The following SYT10 variants were observed in gnomAD, a reference collection of about 807,000 sequenced individuals.
SYT10 encodes the protein synaptotagmin 10.
Under a neutral mutation model 51.1 loss-of-function variants are expected in SYT10, and 31 were observed. The ratio of observed to expected loss-of-function variants is 0.61; its 90% CI spans 0.46 to 0.82. SYT10 has a LOEUF of 0.82. Among genes scored for constraint, SYT10 ranks in the 40% least tolerant of loss-of-function variants. The pLI is 0.00. For missense variants in SYT10, 603 were observed against 634.0 expected (o/e 0.95, Z 0.53); for synonymous variants, 233 against 225.9 (o/e 1.03, Z -0.28).
rs80150238 is a variant in SYT10 at position 33,402,612 on chromosome 12, A to G, written c.1077+4177T>C. Among the ~76,000 whole-genome samples the G allele has an allele frequency of 1.4e-4, 22 of 152,332 alleles. No homozygotes were observed. In the East Asian group the frequency reaches 2.9e-3, roughly 20 times the overall value. On this transcript the variant is annotated intron_variant, in intron 3 of 6. Transcript: ENST00000228567. ...TACCAGTCTTTCTTTCAATTTTAGA[A>G]CTAAACTTTGTTCACAGGAAGTTCT... is the stretch of plus-strand genomic sequence containing the variant.
At chr12:33,400,932 G>A (rs10844580) in intron 3 of SYT10, among the ~76,000 whole-genome samples, 108,701 of 151,756 alleles carry the variant, frequency 0.72, 40,494 homozygotes, top group East Asian at 0.95. Flanking sequence ...AGGCTGAGGC[G>A]GGAGAATTGC....
chr12:33,438,201 T>C (rs1021967435), intron 1 of SYT10, among the ~76,000 whole-genome samples: 10 of 152,176 alleles, frequency 6.6e-5, no homozygotes, highest in Non-Finnish European at 1.3e-4. Flanking sequence ...GGCTCCATGT[T>C]GTCCTGAGCT....
intron 3 of SYT10, among the ~76,000 whole-genome samples, chr12:33,401,476 T>C (rs2138408890): frequency 6.6e-6 from 1 of 152,340 alleles, no homozygotes; most frequent in East Asian, 1.9e-4. Context: ...TTTGTCAGTA[T>C]CAAATTTCAA....
chr12:33,386,747 G>A (rs962392576), intron 3 of SYT10, among the ~76,000 whole-genome samples: 17 of 152,140 alleles, frequency 1.1e-4, no homozygotes, highest in African/African-American at 3.6e-4. Context: ...ACACCCAGGA[G>A]AGCAGGGTTC....
intron 3 of SYT10, among the ~76,000 whole-genome samples, chr12:33,391,304 A>G (rs185395573): frequency 2.0e-5 from 3 of 151,798 alleles, no homozygotes; most frequent in Admixed American, 2.0e-4. Flanking sequence ...CTTGGATTTT[A>G]ATTATGGGAA....
chr12:33,388,344 T>C (rs1866176186), intron 3 of SYT10, among the ~76,000 whole-genome samples: 1 of 152,170 alleles, frequency 6.6e-6, no homozygotes. Context: ...TCTTTCAGGA[T>C]TATTTTTATC....
intron 3 of SYT10, among the ~76,000 whole-genome samples, chr12:33,404,669 G>GGCGT (rs1866336344): frequency 6.6e-6 from 1 of 152,138 alleles, no homozygotes; most frequent in East Asian, 1.9e-4. Context: ...GGGAATTACA[G>GGCGT]GCATGAGCCA....
chr12:33,407,033 T>A lies in SYT10; in HGVS notation c.833A>T (p.Asp278Val). 6.2e-7 allele frequency: 1 copy of A among 1,614,188 alleles called. No individual in the cohort carries two copies. The highest frequency in any genetic ancestry group is 8.5e-7 in the Non-Finnish European group (1 of 1,180,030). The change falls in exon 3 of 7, where the codon GAT (aspartate) becomes GTT (valine). Residue 278 changes from aspartate to valine, a missense_variant. By Grantham distance (152) the Asp-to-Val change is radical. Transcript: ENST00000228567. ...GCGGGTCTGAAATTTCTTTTTCCTA[T>A]CTGGAAGAAGATACATCTTCACATA... ...DPYVKMYLLPDRKKKFQTRVH... is the reference protein window; with the variant it reads ...DPYVKMYLLPVRKKKFQTRVH...
chr12:33,397,631 A>T lies in SYT10; in HGVS notation c.1077+9158T>A, dbSNP rs1230452639. Among the ~76,000 whole-genome samples, 3 of 152,166 alleles carry T rather than the reference A, an allele frequency of 2.0e-5. No individual in the cohort carries two copies. The East Asian group carries it at 5.8e-4, about 30-fold the overall frequency. On this transcript the variant is annotated intron_variant, in intron 3 of 6. Transcript: ENST00000228567. ...CTGAACCTAAAGACACACCTAGGAG[A>T]TATACAGCATCTTCAGCTTCTGAGG...
chr12:33,419,650 A>T (rs1371523026), intron 2 of SYT10, among the ~76,000 whole-genome samples: 1 of 152,212 alleles, frequency 6.6e-6, no homozygotes, highest in Non-Finnish European at 1.5e-5. Flanking sequence ...TATTCTCAAA[A>T]TACTTACCTT....
chr12:33,439,584 A>T lies in SYT10; in HGVS notation c.-62T>A. The T allele has an allele frequency of 6.4e-7, 1 of 1,570,672 alleles. No homozygotes were observed. The highest frequency in any genetic ancestry group is 8.7e-7 in the Non-Finnish European group (1 of 1,155,640). On this transcript the variant is annotated 5_prime_UTR_variant, in exon 1 of 7. Transcript: ENST00000228567. Reference sequence around the variant, plus strand: ...GTTAGCCGTCTTTTCCTCTTCCCGTACCTCTAACCCCTCTGGCGCCCTAAG... The same window carrying T: ...GTTAGCCGTCTTTTCCTCTTCCCGTTCCTCTAACCCCTCTGGCGCCCTAAG...
intron 6 of SYT10, among the ~76,000 whole-genome samples, chr12:33,378,367 G>A (rs1195667281): frequency 3.3e-5 from 5 of 152,042 alleles, no homozygotes; most frequent in African/African-American, 7.2e-5. Flanking sequence ...ATATGCCTTG[G>A]GTCATAAAGC....
intron 1 of SYT10, among the ~76,000 whole-genome samples, chr12:33,430,662 G>A (rs1170688253): frequency 6.6e-6 from 1 of 152,098 alleles, no homozygotes; most frequent in Non-Finnish European, 1.5e-5. Flanking sequence ...ACAAAAATGT[G>A]ATTTCCAATA....
chr12:33,424,253 G>A (rs1438015469), intron 2 of SYT10, among the ~76,000 whole-genome samples: 1 of 152,090 alleles, frequency 6.6e-6, no homozygotes, highest in Non-Finnish European at 1.5e-5. Flanking sequence ...CCTCTAGCTA[G>A]GGATAATCAA....
Position 33,407,194 on chromosome 12 carries a change from G to GT in SYT10, c.671dup (p.Asn224LysfsTer13). ...CACAGATTTTGACATCTTCGTTTTG[G>GT]TTGCCCTCAGAGTCAACTGATTTCT... On this transcript the variant is annotated frameshift_variant, in exon 3 of 7. Transcript: ENST00000228567. LOFTEE classifies it high-confidence loss of function. The GT allele has an allele frequency of 6.2e-7, 1 of 1,614,086 alleles. No homozygotes were observed. The highest frequency in any genetic ancestry group is 8.5e-7 in the Non-Finnish European group (1 of 1,180,026).
chr12:33,402,478 T>A (rs1206758471), intron 3 of SYT10, among the ~76,000 whole-genome samples: 2 of 152,172 alleles, frequency 1.3e-5, no homozygotes, highest in African/African-American at 4.8e-5. Flanking sequence ...AAGACCACAT[T>A]TGTGGAGGCT....
At chr12:33,431,516 A>C (rs1220432088) in intron 1 of SYT10, among the ~76,000 whole-genome samples, 1 of 152,114 alleles carries the variant, frequency 6.6e-6, no homozygotes, top group Non-Finnish European at 1.5e-5. Context: ...AATTTCAATA[A>C]ATGATAACAA....
intron 6 of SYT10, among the ~76,000 whole-genome samples, chr12:33,379,422 G>T (rs919541145): frequency 6.6e-6 from 1 of 151,740 alleles, no homozygotes; most frequent in Non-Finnish European, 1.5e-5. Flanking sequence ...CTTTATTTAG[G>T]GATTGTGGAA....
intron 3 of SYT10, among the ~76,000 whole-genome samples, chr12:33,385,697 C>T (rs1866151441): frequency 6.6e-6 from 1 of 152,200 alleles, no homozygotes; most frequent in African/African-American, 2.4e-5. Context: ...CAAGTCCTGT[C>T]TACACTATCT....
Sources: allele counts gnomAD v4.1 joint callset (sites outside exome capture counted in the v4.1 genomes callset), GRCh38; gene constraint gnomAD v4.1.1; transcripts MANE v1.5; gene names NCBI Gene and HGNC (gene_info 2026-07-23, HGNC 2026-07-21).